SEMA4A: variants seen among roughly 807,000 people sequenced by gnomAD.
SEMA4A encodes the protein semaphorin-4A.
Under a neutral mutation model 72.5 loss-of-function variants are expected in SEMA4A, and 52 were observed. The ratio of observed to expected loss-of-function variants is 0.72; its 90% CI spans 0.57 to 0.90. SEMA4A has a LOEUF of 0.90. Ranked by LOEUF, SEMA4A falls within the 40% of genes least tolerant of loss-of-function variation. SEMA4A has a pLI of 0.00. For missense variants in SEMA4A, 926 were observed against 959.7 expected, an observed-to-expected ratio of 0.96 and a Z score of 0.46; for synonymous variants, 369 against 393.1, an observed-to-expected ratio of 0.94 and a Z score of 0.73.
At position 156,173,440 on chromosome 1, in the gene SEMA4A, C is replaced by G. The variant is rs374918796; in HGVS notation, c.1315+434C>G. 2.1e-4 allele frequency among the ~76,000 whole-genome samples: 32 copies of G among 152,086 alleles called. No homozygotes were observed. In the East Asian group the frequency reaches 5.8e-3, roughly 28 times the overall value. On this transcript the variant is annotated intron_variant, in intron 11 of 14. Coordinates refer to ENST00000368285, the MANE Select transcript of SEMA4A (RefSeq NM_022367.4). Reference sequence around the variant, plus strand: ...GGGTTCTTGGTTTTGTTTTTTCCCCCTCCTTGCCCCCAGGGTTCTTGTTTT... The same window carrying G: ...GGGTTCTTGGTTTTGTTTTTTCCCCGTCCTTGCCCCCAGGGTTCTTGTTTT...
chr1:156,161,019 G>A lies in SEMA4A; in HGVS notation c.800G>A (p.Arg267Lys). 6.2e-7 allele frequency: 1 copy of A among 1,604,836 alleles called. No homozygotes were observed. The highest frequency in any genetic ancestry group is 8.5e-7 in the Non-Finnish European group (1 of 1,176,024). The change falls in exon 8 of 15, where the codon AGA becomes AAA. Residue 267 changes from arginine (R) to lysine (K), a missense_variant. Transcript: ENST00000368285. ...FERLHTSRVA[R>K]VCKNDVGGEK... is the part of the protein sequence containing the mutation. Reference sequence around the variant, plus strand: ...AGGCTCCACACATCGCGGGTGGCTAGAGTCTGCAAGGTCCGCGGCCTGGGC... The same window carrying A: ...AGGCTCCACACATCGCGGGTGGCTAAAGTCTGCAAGGTCCGCGGCCTGGGC...
chr1:156,172,468 G>A (rs968075761), intron 10 of SEMA4A, among the ~76,000 whole-genome samples: 5 of 152,198 alleles, frequency 3.3e-5, no homozygotes, highest in Admixed American at 2.6e-4. Context: ...CCTGCTGGCT[G>A]CCAGGCCTCC....
At chr1:156,147,426 T>G (rs1382639696), upstream of SEMA4A, 3 of 29,822 alleles carry the variant, frequency 1.0e-4, no homozygotes, top group Admixed American at 9.1e-4. Flanking sequence ...ACTTCTGGGC[T>G]GGGGGTAAGG....
chr1:156,154,575 G>A lies in SEMA4A; in HGVS notation c.-4G>A, dbSNP rs1652826013. 1 of 1,609,110 alleles carries A rather than the reference G, an allele frequency of 6.2e-7. No individual in the cohort carries two copies. Among genetic ancestry groups the A allele is most frequent in the Non-Finnish European group, 8.5e-7 (1 of 1,179,200 alleles). On this transcript the variant is annotated 5_prime_UTR_variant, in exon 2 of 15. Transcript: ENST00000368285. ...AGCTCCCTGGTGACAGTCTGTGGCT[G>A]AGCATGGCCCTCCCAGCCCTGGGCC...
At chr1:156,174,766 G>A in intron 11 of SEMA4A, 56 bp from the exon 12 acceptor site, 3 of 1,613,172 alleles carry the variant, frequency 1.9e-6, no homozygotes, top group Non-Finnish European at 2.5e-6. Context: ...CCCGGAAGTT[G>A]GGAAGGGATC....
At position 156,157,966 on chromosome 1, in the gene SEMA4A, G is replaced by T; in HGVS notation, c.301-104G>T. 8.9e-7 allele frequency: 1 copy of T among 1,122,330 alleles called. No individual in the cohort carries two copies. The highest frequency in any genetic ancestry group is 1.3e-6 in the Non-Finnish European group (1 of 748,546). 69.5% of individuals were successfully genotyped at this position (1,122,330 alleles called of 1,614,324 possible). A position where few individuals can be genotyped will look rare whatever the true frequency, so the allele number is the denominator to read the frequency against. On this transcript the variant is annotated intron_variant, in intron 3 of 14. Coordinates refer to ENST00000368285, the MANE Select transcript of SEMA4A (RefSeq NM_022367.4). The surrounding 1 kb of genome is among the most constrained non-coding windows in gnomAD (Gnocchi z 4.5). ...CCATCAGCATGTCACTAACCACCAT[G>T]TCTGCTGGTTATTTCACATCAGAGC...
At chr1:156,158,994 G>T in intron 6 of SEMA4A, 170 bp downstream of exon 6, 2 of 566,704 alleles carry the variant, frequency 3.5e-6, no homozygotes, top group African/African-American at 2.0e-5. Context: ...GAGTTTAGGG[G>T]TTTGAGTCTA....
Position 156,157,842 on chromosome 1 carries a change from G to A in SEMA4A, c.301-228G>A, listed in dbSNP as rs1017822671. On this transcript the variant is annotated intron_variant, in intron 3 of 14. Coordinates refer to ENST00000368285, the MANE Select transcript of SEMA4A (RefSeq NM_022367.4). This position sits in a 1 kb window ranked among gnomAD's most constrained non-coding sequence, Gnocchi z 4.5. ...TAGCCAAGTCTAGATTTAAACTTGGGTCTGTCTGATTCCTTAGGCTGTGTT... is the reference window on the plus strand; with the variant it reads ...TAGCCAAGTCTAGATTTAAACTTGGATCTGTCTGATTCCTTAGGCTGTGTT... Among the ~76,000 whole-genome samples, 2 of 152,198 alleles carry A rather than the reference G, an allele frequency of 1.3e-5. No individual in the cohort carries two copies. Among genetic ancestry groups the A allele is most frequent in the Non-Finnish European group, 2.9e-5 (2 of 68,038 alleles).
Position 156,176,674 on chromosome 1 carries a change from G to A in SEMA4A, c.1963G>A (p.Gly655Ser). The change falls in exon 15 of 15, where the codon GGC (glycine) becomes AGC (serine). Residue 655 changes from glycine (G) to serine (S), a missense_variant. Gly to Ser is a moderately conservative substitution (Grantham distance 56, BLOSUM62 0). Coordinates refer to ENST00000368285, the MANE Select transcript of SEMA4A (RefSeq NM_022367.4). ...CCTGGCCCTGGATCCTGAACTGGCA[G>A]GCATCCCCCGGGAGCATGTGAAGGT... ...QTLALDPELA[G>S]IPREHVKVPL... 6.2e-7 allele frequency: 1 copy of A among 1,614,206 alleles called. No individual in the cohort carries two copies. Among genetic ancestry groups the A allele is most frequent in the Non-Finnish European group, 8.5e-7 (1 of 1,180,030 alleles).
Position 156,157,016 on chromosome 1 carries a change from G to A in SEMA4A, c.300+442G>A, listed in dbSNP as rs1653105464. On this transcript the variant is annotated intron_variant, in intron 3 of 14. Transcript: ENST00000368285. The surrounding 1 kb of genome is among the most constrained non-coding windows in gnomAD (Gnocchi z 4.5). Reference sequence around the variant, plus strand: ...CAAAGAGTTGGGATTACAGGCGTGAGCCACCGCACCCGGCCTGTGACTTCA... The same window carrying A: ...CAAAGAGTTGGGATTACAGGCGTGAACCACCGCACCCGGCCTGTGACTTCA... 2.0e-5 allele frequency among the ~76,000 whole-genome samples: 3 copies of A among 152,120 alleles called. No individual in the cohort carries two copies. The highest frequency in any genetic ancestry group is 4.4e-5 in the Non-Finnish European group (3 of 68,002).
At chr1:156,168,388 A>T (rs1487997467) in intron 10 of SEMA4A, among the ~76,000 whole-genome samples, 2 of 146,336 alleles carry the variant, frequency 1.4e-5, no homozygotes, top group African/African-American at 5.1e-5. Flanking sequence ...CGCCCAGCTA[A>T]TTTTTTTCTA....
rs182012033 is a variant in SEMA4A at position 156,171,644 on chromosome 1, T to C, written c.1135-1182T>C. ...CAGGCTGGAGTACAGTGGCACAATC[T>C]TGGGTCACTGCAACCTCCGCCTCCC... On this transcript the variant is annotated intron_variant, in intron 10 of 14. Transcript: ENST00000368285. 2.6e-5 allele frequency among the ~76,000 whole-genome samples: 4 copies of C among 152,282 alleles called. No homozygotes were observed. The East Asian group carries it at 5.8e-4, about 22-fold the overall frequency.
rs1420399213 is a variant in SEMA4A, at chr1:156,154,620, G to A, written c.42G>A (p.Leu14=). 16 of 1,610,614 alleles carry A rather than the reference G, an allele frequency of 9.9e-6. No individual in the cohort carries two copies. The highest frequency in any genetic ancestry group is 1.3e-5 in the Non-Finnish European group (15 of 1,179,120). Residue 14 remains leucine, a synonymous_variant, in exon 2 of 15, where the codon CTG becomes CTA. Coordinates refer to ENST00000368285, the MANE Select transcript of SEMA4A (RefSeq NM_022367.4). ...PALGLDPWSL[L]GLFLFQLLQL... The stretch of plus-strand genomic sequence containing the variant: ...TGGGCCTGGACCCCTGGAGCCTCCT[G>A]GGCCTTTTCCTCTTCCAACTGCTTC...
At chr1:156,156,619 G>T in intron 3 of SEMA4A, 45 bp downstream of exon 3, 2 of 1,606,836 alleles carry the variant, frequency 1.2e-6, no homozygotes, top group African/African-American at 2.7e-5. Flanking sequence ...AGTGAAGAGG[G>T]GGCCGGCAGC....
upstream of SEMA4A, among the ~76,000 whole-genome samples, chr1:156,147,923 C>CT (rs1413053843): frequency 6.6e-6 from 1 of 152,228 alleles, no homozygotes; most frequent in East Asian, 1.9e-4. Flanking sequence ...CTAACTGTGG[C>CT]TATGGCCACC....
In SEMA4A at chr1:156,176,689, C is replaced by T. The variant is rs952615793; in HGVS notation, c.1978C>T (p.His660Tyr). Reference sequence around the variant, plus strand: ...TGAACTGGCAGGCATCCCCCGGGAGCATGTGAAGGTCCCGTTGACCAGGGT... The same window carrying T: ...TGAACTGGCAGGCATCCCCCGGGAGTATGTGAAGGTCCCGTTGACCAGGGT... ...DPELAGIPRE[H>Y]VKVPLTRVSG... Residue 660 changes from histidine to tyrosine, a missense_variant, in exon 15 of 15, where the codon CAT (histidine) becomes TAT (tyrosine). His to Tyr is a moderately conservative substitution (Grantham distance 83, BLOSUM62 2). Transcript: ENST00000368285. 3 of 1,614,004 alleles carry T rather than the reference C, an allele frequency of 1.9e-6. No individual in the cohort carries two copies. Among genetic ancestry groups the T allele is most frequent in the Non-Finnish European group, 2.5e-6 (3 of 1,179,968 alleles).
intron 10 of SEMA4A, among the ~76,000 whole-genome samples, chr1:156,164,904 G>A (rs1460925524): frequency 9.2e-5 from 14 of 152,030 alleles, no homozygotes; most frequent in South Asian, 2.1e-4. Flanking sequence ...GGGTTCAAGC[G>A]ATTCTCCTGC....
intron 9 of SEMA4A, among the ~76,000 whole-genome samples, chr1:156,162,183 C>T (rs556894875): frequency 1.2e-4 from 18 of 152,340 alleles, no homozygotes; most frequent in Non-Finnish European, 1.9e-4. Context: ...ATCCCATGAA[C>T]CCGGGAGGCG....
At chr1:156,168,197 T>A (rs1654366642) in intron 10 of SEMA4A, among the ~76,000 whole-genome samples, 1 of 151,722 alleles carries the variant, frequency 6.6e-6, no homozygotes, top group Non-Finnish European at 1.5e-5. Flanking sequence ...GTGCTGGGAT[T>A]ACAGGCATGA....
Sources: allele counts gnomAD v4.1 joint callset (sites outside exome capture counted in the v4.1 genomes callset), GRCh38; gene constraint gnomAD v4.1.1; non-coding constraint Gnocchi (gnomAD v3.1); transcripts MANE v1.5; gene names NCBI Gene and HGNC (gene_info 2026-07-23, HGNC 2026-07-21).